ABCA5: variants seen among roughly 807,000 people sequenced by gnomAD.
ABCA5 encodes the protein ATP binding cassette subfamily A member 5, also known as cholesterol transporter ABCA5.
ABCA5 carries 163 observed loss-of-function variants against 206.0 expected under a neutral mutation model. The ratio of observed to expected loss-of-function variants is 0.79; its 90% CI spans 0.70 to 0.90. The LOEUF is 0.90. ABCA5 is among the 40% of genes least tolerant of loss of function. ABCA5 has a pLI of 0.00. For synonymous variants in ABCA5, 609 were observed against 613.8 expected (o/e 0.99, Z 0.11); for missense variants, 1,859 against 1,912.9 (o/e 0.97, Z 0.53).
intron 28 of ABCA5, among the ~76,000 whole-genome samples, chr17:69,259,168 C>T (rs2075118325): frequency 6.6e-6 from 1 of 151,980 alleles, no homozygotes; most frequent in African/African-American, 2.4e-5. Flanking sequence ...GAATTCATAG[C>T]AGCATTGTTC....
chr17:69,275,551 C>A (rs983145970), intron 19 of ABCA5, among the ~76,000 whole-genome samples: 35 of 152,038 alleles, frequency 2.3e-4, no homozygotes, highest in African/African-American at 8.5e-4. Flanking sequence ...AAAATATTCA[C>A]AATTAAATAA....
chr17:69,260,029 ATCAT>A (rs1246286453), intron 27 of ABCA5, among the ~76,000 whole-genome samples: 2 of 151,954 alleles, frequency 1.3e-5, no homozygotes, highest in Non-Finnish European at 2.9e-5. Flanking sequence ...CTGCCTCTGT[ATCAT>A]TCATTTATTG....
chr17:69,256,488 C>T (rs1335005541), intron 28 of ABCA5, among the ~76,000 whole-genome samples: 1 of 149,238 alleles, frequency 6.7e-6, no homozygotes, highest in African/African-American at 2.5e-5. Flanking sequence ...GGGTCTCACA[C>T]TCTGTTGCCC....
chr17:69,301,371 T>C (rs2075651083), intron 8 of ABCA5, 85 bp from the exon 9 acceptor site: 2 of 1,165,482 alleles, frequency 1.7e-6, no homozygotes. Flanking sequence ...ATTTAGCATA[T>C]CCAGAGTGAT....
At chr17:69,302,975 T>C (rs2075668026) in intron 7 of ABCA5, 69 bp from the exon 8 acceptor site, 1 of 827,796 alleles carries the variant, frequency 1.2e-6, no homozygotes, top group African/African-American at 1.8e-5. Flanking sequence ...AATTAAAGTT[T>C]GCTTCTGAAA....
At chr17:69,258,895 A>C (rs2075113774) in intron 28 of ABCA5, among the ~76,000 whole-genome samples, 1 of 152,150 alleles carries the variant, frequency 6.6e-6, no homozygotes, top group Non-Finnish European at 1.5e-5. Context: ...GGATAGAAGA[A>C]AAAGTAAAAA....
chr17:69,245,324 A>C lies in ABCA5; in HGVS notation c.*2213T>G, dbSNP rs1169569723. 2 of 151,962 alleles carry C rather than the reference A, an allele frequency of 1.3e-5. No individual in the cohort carries two copies. Among genetic ancestry groups the C allele is most frequent in the African/African-American group, 2.4e-5 (1 of 41,438 alleles). The allele number at this position is 151,962 out of a possible 1,614,324, so 9.4% of individuals were successfully genotyped here. On this transcript the variant is annotated 3_prime_UTR_variant, in exon 39 of 39. Transcript: ENST00000392676. ...AATTTGACCATGAATGGGAAATATAAGGTTGGTGATGTTGCTTTTGCCTAA... is the reference window on the plus strand; with the variant it reads ...AATTTGACCATGAATGGGAAATATACGGTTGGTGATGTTGCTTTTGCCTAA...
intron 7 of ABCA5, among the ~76,000 whole-genome samples, chr17:69,303,448 T>C (rs1425767413): frequency 6.6e-6 from 1 of 151,930 alleles, no homozygotes; most frequent in Non-Finnish European, 1.5e-5. Context: ...ACTGTATTTT[T>C]ATCTGTATCA....
intron 7 of ABCA5, 45 bp from the exon 8 acceptor site, chr17:69,302,951 C>A: frequency 3.8e-6 from 4 of 1,048,468 alleles, no homozygotes; most frequent in East Asian, 3.0e-5. Context: ...TCATATATAC[C>A]AGTATGAAAA....
chr17:69,307,754 T>C (rs986209986), intron 5 of ABCA5, among the ~76,000 whole-genome samples: 2 of 152,138 alleles, frequency 1.3e-5, no homozygotes, highest in African/African-American at 4.8e-5. Flanking sequence ...TTTTACTACA[T>C]AGCAGTGTAA....
chr17:69,308,584 T>C (rs541354704), intron 4 of ABCA5, among the ~76,000 whole-genome samples: 1 of 152,346 alleles, frequency 6.6e-6, no homozygotes, highest in East Asian at 1.9e-4. Context: ...TGTGTTAGAA[T>C]ACTAAATAGT....
Position 69,309,257 on chromosome 17 carries a change from T to G in ABCA5, c.469+5A>C. 6.4e-7 allele frequency: 1 copy of G among 1,555,068 alleles called. No individual in the cohort carries two copies. Among genetic ancestry groups the G allele is most frequent in the Non-Finnish European group, 8.6e-7 (1 of 1,158,112 alleles). Reference sequence around the variant, plus strand: ...GATCTTCAATGATTATGTAGGGCTATTTACCTCTTGAATCCATATAAATAG... The same window carrying G: ...GATCTTCAATGATTATGTAGGGCTAGTTACCTCTTGAATCCATATAAATAG... On this transcript the variant is annotated splice_donor_5th_base_variant and intron_variant, in intron 4 of 38. Coordinates refer to ENST00000392676, the MANE Select transcript of ABCA5 (RefSeq NM_172232.4).
At position 69,253,663 on chromosome 17, in the gene ABCA5, C is replaced by T; in HGVS notation, c.4325G>A (p.Cys1442Tyr). Reference sequence around the variant, plus strand: ...ATTCCCTAGCATACTTAGAGCAAAACACAACTACATGGAAAGAAAAAGATG... The same window carrying T: ...ATTCCCTAGCATACTTAGAGCAAAATACAACTACATGGAAAGAAAAAGATG... The part of the protein sequence containing the change: ...KLPAGIKRKL[C>Y]FALSMLGNPQ... Residue 1442 changes from cysteine (C) to tyrosine (Y), a missense_variant, in exon 34 of 39, where the codon TGT (cysteine) becomes TAT (tyrosine). By Grantham distance (194) the Cys-to-Tyr change is radical. Coordinates refer to ENST00000392676, the MANE Select transcript of ABCA5 (RefSeq NM_172232.4). 1 of 1,613,160 alleles carries T rather than the reference C, an allele frequency of 6.2e-7. No homozygotes were observed. Among genetic ancestry groups the T allele is most frequent in the Non-Finnish European group, 8.5e-7 (1 of 1,179,374 alleles).
In ABCA5 at chr17:69,261,702, T is replaced by C. The variant is rs1213321995; in HGVS notation, c.3362A>G (p.Tyr1121Cys). 45 of 1,516,524 alleles carry C rather than the reference T, an allele frequency of 3.0e-5. No homozygotes were observed. Among genetic ancestry groups the C allele is most frequent in the Non-Finnish European group, 3.7e-5 (42 of 1,130,404 alleles). The allele number at this position is 1,516,524 out of a possible 1,614,324, so 93.9% of individuals were successfully genotyped here. ...GYVPSVILFT[Y>C]IASFTFKKIL... ...TTTCTTAAAGGTGAAAGAAGCAATA[T>C]AAGTGAACAGAATAACTGATGGAAC... The change falls in exon 25 of 39, where the codon TAT becomes TGT. Residue 1121 changes from tyrosine to cysteine, a missense_variant. Tyr to Cys is a radical substitution (Grantham distance 194). Coordinates refer to ENST00000392676, the MANE Select transcript of ABCA5 (RefSeq NM_172232.4).
chr17:69,270,795 G>A, intron 21 of ABCA5, 45 bp from the exon 22 acceptor site: 1 of 1,446,702 alleles, frequency 6.9e-7, no homozygotes, highest in South Asian at 1.6e-5. Context: ...TATATAAGCG[G>A]ATATATTATT....
At chr17:69,307,202 TTAAA>T (rs1233745735) in intron 5 of ABCA5, among the ~76,000 whole-genome samples, 9 of 149,298 alleles carry the variant, frequency 6.0e-5, no homozygotes, top group South Asian at 2.1e-4. Flanking sequence ...TAAATTTTGA[TTAAA>T]TAATTTGTCA....
intron 19 of ABCA5, 32 bp from the exon 20 acceptor site, chr17:69,274,160 G>A: frequency 1.3e-6 from 2 of 1,504,998 alleles, no homozygotes; most frequent in Non-Finnish European, 1.8e-6. Flanking sequence ...CACAGCTCAG[G>A]GTACAAAGGT....
chr17:69,262,403 T>C (rs1343946117), intron 24 of ABCA5, among the ~76,000 whole-genome samples: 3 of 152,102 alleles, frequency 2.0e-5, no homozygotes, highest in South Asian at 2.1e-4. Flanking sequence ...CCCCGTCTAG[T>C]AGTGCCCAGT....
intron 34 of ABCA5, among the ~76,000 whole-genome samples, 189 bp downstream of exon 34, chr17:69,253,382 CTT>C (rs1598147626): frequency 1.3e-5 from 2 of 152,050 alleles, no homozygotes; most frequent in African/African-American, 4.8e-5. Flanking sequence ...ATTATGAACA[CTT>C]CATGAAAAAT....
Sources: gnomAD v4.1 joint callset for allele counts (sites outside exome capture counted in the v4.1 genomes callset) on GRCh38, gnomAD v4.1.1 for gene constraint, MANE v1.5 for transcripts, NCBI Gene and HGNC (gene_info 2026-07-23, HGNC 2026-07-21) for gene names.